DMD: variants seen among roughly 807,000 people sequenced by gnomAD.
The protein encoded by DMD is dystrophin.
DMD carries 63 observed loss-of-function variants against 330.1 expected under a neutral mutation model. The ratio of observed to expected loss-of-function variants is 0.19; its 90% confidence interval spans 0.16 to 0.24. DMD has a LOEUF of 0.24. Among genes scored for constraint, DMD ranks in the 10% least tolerant of loss-of-function variants. DMD has a pLI of 1.00. For synonymous variants in DMD, 1,223 were observed against 959.8 expected, an observed-to-expected ratio of 1.27 and a Z score of -5.07; for missense variants, 3,344 against 2,684.1, an observed-to-expected ratio of 1.25 and a Z score of -5.43.
chrX:33,280,280 G>A (rs141506207), intron 1 of DMD, among the ~76,000 whole-genome samples: 21 of 111,721 alleles, frequency 1.9e-4, no homozygotes, highest in African/African-American at 5.2e-4. Flanking sequence ...CACCACGCCC[G>A]GTTATATTTC....
chrX:33,324,536 C>A (rs989560249), intron 1 of DMD, among the ~76,000 whole-genome samples: 1 of 110,836 alleles, frequency 9.0e-6, no homozygotes, highest in African/African-American at 3.3e-5. Flanking sequence ...AATAATGGAA[C>A]GCTCCTTCAA....
At chrX:32,684,344 T>C (rs2062689831) in intron 9 of DMD, among the ~76,000 whole-genome samples, 1 of 111,667 alleles carries the variant, frequency 9.0e-6, no homozygotes, top group Admixed American at 9.6e-5. Flanking sequence ...ATTAAGTATA[T>C]AACTATAGCA....
At chrX:32,645,484 T>G (rs111997016) in intron 9 of DMD, among the ~76,000 whole-genome samples, 84 of 112,169 alleles carry the variant, frequency 7.5e-4, no homozygotes, top group African/African-American at 2.5e-3. Context: ...CATTTCTTAT[T>G]TATAATAACT....
At chrX:32,894,566 C>A (rs1202528212) in intron 2 of DMD, among the ~76,000 whole-genome samples, 1 of 112,501 alleles carries the variant, frequency 8.9e-6, no homozygotes, top group Non-Finnish European at 1.9e-5. Flanking sequence ...TCATCCAACC[C>A]AAAACTCGGG....
At position 32,786,086 on chromosome X, in the gene DMD, A is replaced by AGTGTGTAT. The variant is rs1557029347; in HGVS notation, c.649+23406_649+23407insATACACAC. ...CTCTTGCCTCTTGAGGAGGAATAAG[A>AGTGTGTAT]GTGTGTGTGTGTGTGTGTGTGTGTG... is the stretch of plus-strand genomic sequence containing the variant. On this transcript the variant is annotated intron_variant, in intron 7 of 78. Coordinates refer to ENST00000357033, the MANE Select transcript of DMD (RefSeq NM_004006.3). Among the ~76,000 whole-genome samples, 388 of 96,567 alleles carry AGTGTGTAT rather than the reference A, an allele frequency of 4.0e-3. 3 individuals carry two copies. Among genetic ancestry groups the AGTGTGTAT allele is most frequent in the African/African-American group, 0.014 (371 of 25,832 alleles). 83.9% of individuals were successfully genotyped at this position (96,567 alleles called of 115,157 possible).
rs777760837 is a variant in DMD at position 31,716,380 on chromosome X, T to A, written c.7660+13251A>T. ...CAGCCTGACCAACATGGAGAAACTC[T>A]GTCTCTACTAAAAATACAAAATTAG... On this transcript the variant is annotated intron_variant, in intron 52 of 78. Coordinates refer to ENST00000357033, the MANE Select transcript of DMD (RefSeq NM_004006.3). Among the ~76,000 whole-genome samples, 152 of 111,636 alleles carry A rather than the reference T, an allele frequency of 1.4e-3. 1 individual carries two copies. The highest frequency in any genetic ancestry group is 2.0e-3 in the Non-Finnish European group (106 of 53,096).
intron 2 of DMD, among the ~76,000 whole-genome samples, chrX:33,002,432 C>A (rs2093301722): frequency 9.0e-6 from 1 of 110,987 alleles, no homozygotes; most frequent in African/African-American, 3.3e-5. Flanking sequence ...TCCCATTGGC[C>A]ACTTCATGCT....
At chrX:32,496,379 T>C (rs1473986713) in intron 19 of DMD, among the ~76,000 whole-genome samples, 1 of 112,013 alleles carries the variant, frequency 8.9e-6, no homozygotes, top group Non-Finnish European at 1.9e-5. Flanking sequence ...ATAGAGATAT[T>C]CAAAACCTGT....
chrX:31,417,267 ATTTCTTTTTTCT>A (rs1246768576), intron 60 of DMD, among the ~76,000 whole-genome samples: 2 of 111,229 alleles, frequency 1.8e-5, no homozygotes, highest in Non-Finnish European at 3.8e-5. Context: ...CAAGCCTATA[ATTTCTTTTTTCT>A]TTTCTTTTTT....
chrX:32,217,148 T>C, intron 43 of DMD, 85 bp from the exon 44 acceptor site: 2 of 981,182 alleles, frequency 2.0e-6, no homozygotes, highest in Non-Finnish European at 2.8e-6. Context: ...TTTTTGGTTA[T>C]ACTGACAAAG....
At chrX:33,281,270 G>A (rs1016078535) in intron 1 of DMD, among the ~76,000 whole-genome samples, 3 of 105,018 alleles carry the variant, frequency 2.9e-5, no homozygotes, top group African/African-American at 3.5e-5. Flanking sequence ...GTGCAGTGGC[G>A]CGATCTCGGT....
chrX:31,243,911 C>T (rs1216450268), intron 63 of DMD, among the ~76,000 whole-genome samples: 1 of 112,381 alleles, frequency 8.9e-6, no homozygotes, highest in Non-Finnish European at 1.9e-5. Context: ...AAATAATTAT[C>T]AGCTCTATAT....
At chrX:31,201,002 A>G (rs2043374809) in intron 67 of DMD, among the ~76,000 whole-genome samples, 1 of 111,978 alleles carries the variant, frequency 8.9e-6, no homozygotes, top group Non-Finnish European at 1.9e-5. Flanking sequence ...CACCATTCAT[A>G]TCTTGACTGA....
At chrX:32,252,841 T>G (rs866117549) in intron 43 of DMD, among the ~76,000 whole-genome samples, 3 of 56,561 alleles carry the variant, frequency 5.3e-5, no homozygotes, top group Non-Finnish European at 6.2e-5. Flanking sequence ...TAAATATATA[T>G]AAATATATAA....
In DMD at chrX:32,862,603, T is replaced by A. The variant is rs200665438; in HGVS notation, c.94-12783A>T. Among the ~76,000 whole-genome samples, 20 of 58,474 alleles carry A rather than the reference T, an allele frequency of 3.4e-4. No homozygotes were observed. In the East Asian group the frequency reaches 7.0e-3, roughly 20 times the overall value. The allele number at this position is 58,474 out of a possible 115,157, so 50.8% of individuals were successfully genotyped here. A position where few individuals can be genotyped will look rare whatever the true frequency, so the allele number is the denominator to read the frequency against. On this transcript the variant is annotated intron_variant, in intron 2 of 78. Coordinates refer to ENST00000357033, the MANE Select transcript of DMD (RefSeq NM_004006.3). ...AAAGGAAATATTAATAAAATTATGGTAAATGCTTTATCTTATATTTTTATG... is the reference window on the plus strand; with the variant it reads ...AAAGGAAATATTAATAAAATTATGGAAAATGCTTTATCTTATATTTTTATG...
At chrX:33,239,690 A>G (rs1047668572) in intron 1 of DMD, among the ~76,000 whole-genome samples, 3 of 111,868 alleles carry the variant, frequency 2.7e-5, no homozygotes, top group African/African-American at 9.8e-5. Flanking sequence ...GTACATATAC[A>G]TTGTGATATG....
chrX:32,364,823 T>C, intron 35 of DMD, 113 bp from the exon 36 acceptor site: 2 of 870,947 alleles, frequency 2.3e-6, no homozygotes, highest in Non-Finnish European at 1.6e-6. Context: ...TTGAGATTAG[T>C]TTTAAGTGGT....
At chrX:33,075,020 A>T (rs1319038784) in intron 1 of DMD, among the ~76,000 whole-genome samples, 3 of 111,787 alleles carry the variant, frequency 2.7e-5, no homozygotes, top group Non-Finnish European at 5.6e-5. Context: ...GGGAAACTAA[A>T]TTCTGCTGCG....
At chrX:32,045,336 G>A (rs1213582523) in intron 44 of DMD, among the ~76,000 whole-genome samples, 1 of 91,286 alleles carries the variant, frequency 1.1e-5, no homozygotes, top group African/African-American at 4.4e-5. Flanking sequence ...GTTCTTGAGC[G>A]ATCTGTTTTG....
Sources: gnomAD v4.1 joint callset for allele counts (sites outside exome capture counted in the v4.1 genomes callset) on GRCh38, gnomAD v4.1.1 for gene constraint, MANE v1.5 for transcripts, NCBI Gene and HGNC (gene_info 2026-07-23, HGNC 2026-07-21) for gene names.